ZNF157: variants seen among roughly 807,000 people sequenced by gnomAD.
The protein encoded by ZNF157 is zinc finger protein 22.
In ZNF157, 8 loss-of-function variants were observed where a neutral mutation model predicts 9.4. The ratio of observed to expected loss-of-function variants is 0.85; its 90% CI spans 0.50 to 1.53. ZNF157 has a LOEUF of 1.53. Ranked by LOEUF, ZNF157 falls within the 40% of genes most tolerant of loss-of-function variation. The probability of loss-of-function intolerance (pLI) is 0.00; values close to 1 mark genes in which losing one functional copy is unlikely to be tolerated. For synonymous variants in ZNF157, 120 were observed against 130.8 expected (o/e 0.92, Z 0.56); for missense variants, 316 against 385.2 (o/e 0.82, Z 1.50).
intron 1 of ZNF157, among the ~76,000 whole-genome samples, chrX:47,404,610 C>T (rs971162885): frequency 8.1e-5 from 9 of 110,839 alleles, no homozygotes; most frequent in Non-Finnish European, 1.3e-4. Flanking sequence ...AATCAATGAA[C>T]TTAAGCATAG....
chrX:47,398,692 G>T (rs1428476013), intron 1 of ZNF157, among the ~76,000 whole-genome samples: 6 of 106,572 alleles, frequency 5.6e-5, no homozygotes, highest in South Asian at 8.4e-4. Flanking sequence ...GTGTGTGTGT[G>T]TTTTTTTAGA....
intron 1 of ZNF157, among the ~76,000 whole-genome samples, chrX:47,374,069 T>A (rs1222603804): frequency 9.0e-6 from 1 of 110,778 alleles, no homozygotes; most frequent in African/African-American, 3.3e-5. Context: ...GCTTGACTTG[T>A]AGCTGGTCAG....
intron 1 of ZNF157, among the ~76,000 whole-genome samples, chrX:47,376,983 T>G (rs56114211): frequency 0.085 from 9,466 of 111,279 alleles, 1,026 homozygotes; most frequent in African/African-American, 0.29. Context: ...TTAGGAGTCA[T>G]GCAGCCGGAG....
At chrX:47,410,910 C>T (rs1311646850) in intron 3 of ZNF157, 135 bp downstream of exon 3, 7 of 492,949 alleles carry the variant, frequency 1.4e-5, no homozygotes, top group East Asian at 1.1e-4. Context: ...AAAATAAGGA[C>T]GGAAGGTCTA....
intron 1 of ZNF157, among the ~76,000 whole-genome samples, chrX:47,385,544 C>CGTGT (rs10687283): frequency 0.028 from 2,554 of 90,224 alleles, 36 homozygotes; most frequent in Middle Eastern, 0.038. Flanking sequence ...TAAGCGATTC[C>CGTGT]GTGTGTGTGT....
intron 1 of ZNF157, among the ~76,000 whole-genome samples, chrX:47,392,799 A>G (rs143346788): frequency 3.2e-4 from 36 of 111,744 alleles, no homozygotes; most frequent in African/African-American, 1.1e-3. Context: ...TAAAGGGTTC[A>G]CTGGTCCCAA....
At position 47,412,359 on chromosome X, in the gene ZNF157, A is replaced by ATT. The variant is rs1167504641; in HGVS notation, c.296-6_296-5dup. On this transcript the variant is annotated splice_polypyrimidine_tract_variant and intron_variant, in intron 3 of 3. Transcript: ENST00000377073. The stretch of plus-strand genomic sequence containing the variant: ...ATAAAAGAGTGACATGCTGTGATTT[A>ATT]TTTTTAAAGGATCTCTCTCACTGCT... 1 of 1,166,218 alleles carries ATT rather than the reference A, an allele frequency of 8.6e-7. No homozygotes were observed. The highest frequency in any genetic ancestry group is 1.1e-6 in the Non-Finnish European group (1 of 870,143).
At chrX:47,387,974 A>AT (rs1473216095) in intron 1 of ZNF157, among the ~76,000 whole-genome samples, 1 of 109,226 alleles carries the variant, frequency 9.2e-6, no homozygotes, top group Non-Finnish European at 1.9e-5. Context: ...TGATATTTAA[A>AT]TTTTTTTATT....
intron 1 of ZNF157, among the ~76,000 whole-genome samples, chrX:47,372,328 G>A (rs2055831140): frequency 9.2e-6 from 1 of 108,397 alleles, no homozygotes; most frequent in East Asian, 2.9e-4. Context: ...ACATAATGAA[G>A]CCCCCCTAAA....
intron 1 of ZNF157, among the ~76,000 whole-genome samples, chrX:47,403,226 G>A (rs947521388): frequency 9.1e-6 from 1 of 110,277 alleles, no homozygotes; most frequent in Non-Finnish European, 1.9e-5. Flanking sequence ...GCAGTGAGCC[G>A]AGATCACGCT....
intron 1 of ZNF157, among the ~76,000 whole-genome samples, chrX:47,389,217 T>C (rs1184404477): frequency 1.8e-5 from 2 of 110,842 alleles, no homozygotes; most frequent in Admixed American, 9.7e-5. Context: ...TTCTTTTTTC[T>C]TTTTTTTGAG....
Position 47,414,308 on chromosome X carries a change from G to A in ZNF157, c.*714G>A, listed in dbSNP as rs768505556. On this transcript the variant is annotated 3_prime_UTR_variant, in exon 4 of 4. Coordinates refer to ENST00000377073, the MANE Select transcript of ZNF157 (RefSeq NM_003446.4). Reference sequence around the variant, plus strand: ...ATTACAGGTGTGAGCCACCGTGCCCGGCTAAAGTTTTATATTTTAATATTA... The same window carrying A: ...ATTACAGGTGTGAGCCACCGTGCCCAGCTAAAGTTTTATATTTTAATATTA... The A allele has an allele frequency of 3.6e-5, 4 of 111,315 alleles. No homozygotes were observed. The highest frequency in any genetic ancestry group is 5.7e-5 in the Non-Finnish European group (3 of 53,093). The allele number at this position is 111,315 out of a possible 1,213,427, so 9.2% of individuals were successfully genotyped here.
chrX:47,387,935 T>G (rs1467426343), intron 1 of ZNF157, among the ~76,000 whole-genome samples: 1 of 96,710 alleles, frequency 1.0e-5, no homozygotes, highest in Non-Finnish European at 2.1e-5. Flanking sequence ...TACGGAGAAA[T>G]CAATAATTCA....
intron 1 of ZNF157, among the ~76,000 whole-genome samples, chrX:47,386,872 A>C (rs2055881116): frequency 8.9e-6 from 1 of 112,293 alleles, no homozygotes; most frequent in African/African-American, 3.2e-5. Context: ...AAGGAAGAAA[A>C]AAAAGAAGAA....
At chrX:47,378,759 A>ACC (rs2055852544) in intron 1 of ZNF157, among the ~76,000 whole-genome samples, 1 of 110,366 alleles carries the variant, frequency 9.1e-6, no homozygotes, top group Admixed American at 9.7e-5. Flanking sequence ...AATCGCTTGA[A>ACC]CCCAGGAAGC....
intron 1 of ZNF157, among the ~76,000 whole-genome samples, chrX:47,377,510 C>A (rs1259665517): frequency 9.1e-6 from 1 of 109,918 alleles, no homozygotes; most frequent in African/African-American, 3.3e-5. Flanking sequence ...CTCGCTGGAG[C>A]CTCAACCTCC....
At chrX:47,407,499 A>G (rs1013119876) in intron 1 of ZNF157, among the ~76,000 whole-genome samples, 3 of 111,855 alleles carry the variant, frequency 2.7e-5, no homozygotes, top group African/African-American at 9.7e-5. Flanking sequence ...CCACAAGTTC[A>G]GTTTATTTAA....
chrX:47,385,544 C>CGTGTGTGT lies in ZNF157; in HGVS notation c.72+14835_72+14842dup, dbSNP rs10687283. Among the ~76,000 whole-genome samples the CGTGTGTGT allele has an allele frequency of 8.9e-3, 803 of 90,341 alleles. 8 individuals are homozygous for CGTGTGTGT. The highest frequency in any genetic ancestry group is 0.011 in the Non-Finnish European group (519 of 45,437). The allele number at this position is 90,341 out of a possible 115,157, so 78.5% of individuals were successfully genotyped here. ...GTATCAGTGCTGCCCTAAGCGATTC[C>CGTGTGTGT]GTGTGTGTGTGTGTGTGTGTGTGTG... is the stretch of plus-strand genomic sequence containing the variant. On this transcript the variant is annotated intron_variant, in intron 1 of 3. Transcript: ENST00000377073.
chrX:47,388,555 A>ACT (rs750427867), intron 1 of ZNF157: 4 of 107,871 alleles, frequency 3.7e-5, no homozygotes, highest in African/African-American at 1.4e-4. Context: ...GGCCTCAAGC[A>ACT]CTCCTCCTGC....
Sources: allele counts gnomAD v4.1 joint callset (sites outside exome capture counted in the v4.1 genomes callset), GRCh38; gene constraint gnomAD v4.1.1; transcripts MANE v1.5; gene names NCBI Gene and HGNC (gene_info 2026-07-23, HGNC 2026-07-21).